The following PATJ variants were observed in gnomAD, a reference collection of about 807,000 sequenced individuals.
PATJ encodes the protein PATJ crumbs cell polarity complex component.
Under a neutral mutation model 224.9 loss-of-function variants are expected in PATJ, and 190 were observed. The ratio of observed to expected loss-of-function variants is 0.84; its 90% CI spans 0.75 to 0.95. The LOEUF is 0.95. PATJ is among the 40% of genes least tolerant of loss of function. The pLI, the probability that PATJ is intolerant of heterozygous loss-of-function variation, is 0.00. For synonymous variants in PATJ, 769 were observed against 820.3 expected, an observed-to-expected ratio of 0.94 and a Z score of 1.07; for missense variants, 2,121 against 2,270.3, an observed-to-expected ratio of 0.93 and a Z score of 1.34.
intron 27 of PATJ, among the ~76,000 whole-genome samples, chr1:61,969,497 T>G (rs1322878537): frequency 6.6e-6 from 1 of 152,244 alleles, no homozygotes; most frequent in Admixed American, 6.5e-5. Flanking sequence ...CACATGCTTA[T>G]TGGCTATTTG....
At chr1:61,748,246 CTTTTTTTTTTTTTTT>C (rs35918825) in intron 1 of PATJ, among the ~76,000 whole-genome samples, 1 of 65,108 alleles carries the variant, frequency 1.5e-5, no homozygotes, top group South Asian at 7.8e-4. Flanking sequence ...GCCTTAATGC[CTTTTTTTTTTTTTTT>C]TTTTTTTTTT....
intron 10 of PATJ, among the ~76,000 whole-genome samples, chr1:61,796,808 T>A (rs1651405944): frequency 6.8e-6 from 1 of 146,846 alleles, no homozygotes. Context: ...TCTTCCTTCC[T>A]TCTCCTTCCT....
intron 28 of PATJ, among the ~76,000 whole-genome samples, chr1:61,997,996 A>T (rs1201524345): frequency 9.1e-6 from 1 of 109,412 alleles, no homozygotes; most frequent in Non-Finnish European, 1.8e-5. Flanking sequence ...ATATGTATAT[A>T]TAATATATTA....
intron 1 of PATJ, among the ~76,000 whole-genome samples, chr1:61,755,282 C>G (rs1471465698): frequency 2.7e-5 from 4 of 148,690 alleles, no homozygotes; most frequent in Non-Finnish European, 5.9e-5. Flanking sequence ...GCACTCCAGC[C>G]TGGGCGACAG....
chr1:62,133,764 T>TTGA (rs1258534727), intron 41 of PATJ, among the ~76,000 whole-genome samples: 1 of 148,972 alleles, frequency 6.7e-6, no homozygotes, highest in Non-Finnish European at 1.5e-5. Flanking sequence ...TTTTTTTTTT[T>TTGA]GAGACAGAGT....
intron 4 of PATJ, 44 bp from the exon 5 acceptor site, chr1:61,769,239 T>C: frequency 6.3e-7 from 1 of 1,579,094 alleles, no homozygotes; most frequent in Non-Finnish European, 8.6e-7. Context: ...GTATGTTGGC[T>C]AAATGTACAC....
Position 62,013,384 on chromosome 1 carries a change from G to A in PATJ, c.3868-4472G>A, listed in dbSNP as rs542400825. Reference sequence around the variant, plus strand: ...AGCCCATGTTAGTGAAAGCCTACTCGCAGTTGATTAAGCACCACTTCCATT... The same window carrying A: ...AGCCCATGTTAGTGAAAGCCTACTCACAGTTGATTAAGCACCACTTCCATT... On this transcript the variant is annotated intron_variant, in intron 28 of 43. Coordinates refer to ENST00000642238, the MANE Select transcript of PATJ (RefSeq NM_001350145.3). 9 of 985,076 alleles carry A rather than the reference G, an allele frequency of 9.1e-6. No homozygotes were observed. The South Asian group carries it at 3.3e-4, about 36-fold the overall frequency. 61.0% of individuals were successfully genotyped at this position (985,076 alleles called of 1,614,324 possible). A position where few individuals can be genotyped will look rare whatever the true frequency, so the allele number is the denominator to read the frequency against.
At chr1:62,016,306 A>G (rs557922951) in intron 28 of PATJ, among the ~76,000 whole-genome samples, 1 of 152,312 alleles carries the variant, frequency 6.6e-6, no homozygotes, top group South Asian at 2.1e-4. Context: ...CATTATAACT[A>G]TTTTGACAAA....
intron 43 of PATJ, among the ~76,000 whole-genome samples, chr1:62,159,403 T>TC (rs1669620612): frequency 6.6e-6 from 1 of 152,020 alleles, no homozygotes; most frequent in Non-Finnish European, 1.5e-5. Flanking sequence ...TGTTGGCCAG[T>TC]CTGATCTTGA....
At chr1:62,136,091 A>AATC (rs1666836425) in intron 41 of PATJ, among the ~76,000 whole-genome samples, 2 of 130,244 alleles carry the variant, frequency 1.5e-5, no homozygotes, top group Non-Finnish European at 3.1e-5. Context: ...GCAATGGTGC[A>AATC]ATCTCAGCTC....
At chr1:61,869,208 GC>G (rs1313502820) in intron 20 of PATJ, among the ~76,000 whole-genome samples, 1 of 143,290 alleles carries the variant, frequency 7.0e-6, no homozygotes, top group Non-Finnish European at 1.5e-5. Flanking sequence ...CCGGGTTCAC[GC>G]CATTCTCCTG....
chr1:61,761,092 C>T (rs1299379664), intron 1 of PATJ, among the ~76,000 whole-genome samples: 1 of 152,100 alleles, frequency 6.6e-6, no homozygotes, highest in African/African-American at 2.4e-5. Flanking sequence ...GATCCTCTCA[C>T]CTCAGTCTCC....
intron 28 of PATJ, chr1:62,013,286 G>T (rs1008838299): frequency 1.1e-6 from 1 of 924,006 alleles, no homozygotes; most frequent in Non-Finnish European, 1.3e-6. Context: ...GAAACAGTTA[G>T]ATTTCCTACA....
chr1:61,801,157 T>C (rs1652407431), intron 11 of PATJ, among the ~76,000 whole-genome samples: 1 of 152,224 alleles, frequency 6.6e-6, no homozygotes, highest in South Asian at 2.1e-4. Flanking sequence ...ATCGCCATAC[T>C]GTCTTCCACT....
At chr1:61,783,226 T>C (rs949151356) in intron 7 of PATJ, among the ~76,000 whole-genome samples, 3 of 152,302 alleles carry the variant, frequency 2.0e-5, no homozygotes, top group Non-Finnish European at 2.9e-5. Context: ...GGAATTTGAG[T>C]AGGATAGGAT....
chr1:62,050,910 G>A (rs540865357), intron 30 of PATJ, 56 bp from the exon 31 acceptor site: 13 of 1,273,262 alleles, frequency 1.0e-5, no homozygotes, highest in Admixed American at 3.4e-5. Flanking sequence ...TGTACAATTC[G>A]AGGGAGTGTA....
At position 61,750,120 on chromosome 1, in the gene PATJ, G is replaced by A. The variant is rs557826425; in HGVS notation, c.-36+7565G>A. Among the ~76,000 whole-genome samples the A allele has an allele frequency of 2.6e-5, 4 of 152,338 alleles. No homozygotes were observed. The South Asian group carries it at 6.2e-4, about 24-fold the overall frequency. On this transcript the variant is annotated intron_variant, in intron 1 of 43. Coordinates refer to ENST00000642238, the MANE Select transcript of PATJ (RefSeq NM_001350145.3). Reference sequence around the variant, plus strand: ...AGAATTTCACATTTGAATTTTGTCTGTATTGATTGCTTGCACTTGGGAAGC... The same window carrying A: ...AGAATTTCACATTTGAATTTTGTCTATATTGATTGCTTGCACTTGGGAAGC...
At chr1:61,763,255 TAGACAA>T in intron 3 of PATJ, 76 bp downstream of exon 3, 1 of 861,836 alleles carries the variant, frequency 1.2e-6, no homozygotes, top group Non-Finnish European at 1.6e-6. Context: ...ATAGAGGAGA[TAGACAA>T]AGACAAATTA....
At chr1:62,092,986 G>A (rs896176428) in intron 33 of PATJ, among the ~76,000 whole-genome samples, 6 of 151,294 alleles carry the variant, frequency 4.0e-5, no homozygotes, top group South Asian at 2.1e-4. Context: ...CAGGCAATCC[G>A]CCCGCCTCAG....
Sources: allele counts gnomAD v4.1 joint callset (sites outside exome capture counted in the v4.1 genomes callset), GRCh38; gene constraint gnomAD v4.1.1; transcripts MANE v1.5; gene names NCBI Gene and HGNC (gene_info 2026-07-23, HGNC 2026-07-21).